GALNTL6: variants seen among roughly 807,000 people sequenced by gnomAD.
GALNTL6 encodes the protein polypeptide N-acetylgalactosaminyltransferase-like 6.
Under a neutral mutation model 73.7 loss-of-function variants are expected in GALNTL6, and 46 were observed. The observed-to-expected ratio is 0.62, with a 90% CI of 0.49 to 0.80. The LOEUF (loss-of-function observed/expected upper bound fraction) is 0.80. GALNTL6 is among the 30% of genes least tolerant of loss of function. GALNTL6 has a pLI of 0.00. For missense variants in GALNTL6, 604 were observed against 755.0 expected (o/e 0.80, Z 2.34); for synonymous variants, 259 against 263.7 (o/e 0.98, Z 0.17).
chr4:172,369,651 G>A (rs534270976), intron 5 of GALNTL6, among the ~76,000 whole-genome samples: 46 of 152,314 alleles, frequency 3.0e-4, no homozygotes, highest in African/African-American at 8.2e-4. Flanking sequence ...GAATTTGAGC[G>A]TGGCATGGGC....
At chr4:171,906,029 C>G (rs1457319795) in intron 2 of GALNTL6, among the ~76,000 whole-genome samples, 1 of 151,876 alleles carries the variant, frequency 6.6e-6, no homozygotes, top group East Asian at 1.9e-4. Flanking sequence ...TAAATGCCCA[C>G]AAGAGAAAGC....
intron 2 of GALNTL6, among the ~76,000 whole-genome samples, chr4:172,041,511 G>T (rs1474016619): frequency 7.9e-5 from 12 of 152,032 alleles, no homozygotes; most frequent in Non-Finnish European, 1.8e-4. Context: ...ACTGCTAGAG[G>T]AATTCAACAG....
chr4:172,009,643 T>C (rs1386190595), intron 2 of GALNTL6, among the ~76,000 whole-genome samples: 1 of 152,076 alleles, frequency 6.6e-6, no homozygotes, highest in Non-Finnish European at 1.5e-5. Context: ...CAAATGTGGT[T>C]TTGTGGTATA....
chr4:172,671,936 G>C (rs1180583154), intron 5 of GALNTL6, among the ~76,000 whole-genome samples: 2 of 152,152 alleles, frequency 1.3e-5, no homozygotes, highest in Admixed American at 1.3e-4. Context: ...TGTTGCCCAG[G>C]CTGGAGTGCA....
intron 2 of GALNTL6, among the ~76,000 whole-genome samples, chr4:171,884,218 T>G (rs1736545795): frequency 6.6e-6 from 1 of 152,202 alleles, no homozygotes; most frequent in Non-Finnish European, 1.5e-5. Flanking sequence ...TTCATGTCAT[T>G]TAGCTTTGCT....
intron 5 of GALNTL6, among the ~76,000 whole-genome samples, chr4:172,459,165 C>G (rs1732517438): frequency 6.6e-6 from 1 of 152,150 alleles, no homozygotes; most frequent in Non-Finnish European, 1.5e-5. Flanking sequence ...ATTCAACACC[C>G]CTTCATGCTA....
intron 5 of GALNTL6, among the ~76,000 whole-genome samples, chr4:172,497,602 G>A (rs1271751423): frequency 6.6e-6 from 1 of 152,184 alleles, no homozygotes; most frequent in Non-Finnish European, 1.5e-5. Context: ...GCATCTTTCT[G>A]TCATACAGAG....
chr4:172,734,278 A>AT (rs919873073), intron 5 of GALNTL6, among the ~76,000 whole-genome samples: 6 of 152,268 alleles, frequency 3.9e-5, no homozygotes, highest in Admixed American at 3.9e-4. Context: ...AGAAAAACCC[A>AT]TTTTCTGGGG....
chr4:172,037,827 A>C (rs1399685617), intron 2 of GALNTL6, among the ~76,000 whole-genome samples: 1 of 152,186 alleles, frequency 6.6e-6, no homozygotes, highest in Non-Finnish European at 1.5e-5. Context: ...TTTAAAAAAA[A>C]ATTCTAGAGA....
At chr4:172,988,379 A>G (rs1025040200) in intron 10 of GALNTL6, among the ~76,000 whole-genome samples, 9 of 152,214 alleles carry the variant, frequency 5.9e-5, no homozygotes, top group Non-Finnish European at 1.3e-4. Flanking sequence ...TAAGCAGCAA[A>G]GCATTCAAGG....
intron 5 of GALNTL6, among the ~76,000 whole-genome samples, chr4:172,758,580 T>C (rs1737887410): frequency 6.6e-6 from 1 of 152,252 alleles, no homozygotes; most frequent in African/African-American, 2.4e-5. Context: ...AATTGAGATA[T>C]ATCCCCATCA....
chr4:172,327,713 C>A (rs1740990863), intron 4 of GALNTL6, among the ~76,000 whole-genome samples: 1 of 151,922 alleles, frequency 6.6e-6, no homozygotes, highest in Non-Finnish European at 1.5e-5. Context: ...GCATTGCCAC[C>A]CATGTTTTTT....
chr4:172,723,000 G>C (rs1735574456), intron 5 of GALNTL6, among the ~76,000 whole-genome samples: 1 of 152,080 alleles, frequency 6.6e-6, no homozygotes, highest in South Asian at 2.1e-4. Flanking sequence ...GTCACTTGTG[G>C]AGGCTTAGGA....
rs551798329 is a variant in GALNTL6, at chr4:171,913,504, A to G, written c.138+98786A>G. On this transcript the variant is annotated intron_variant, in intron 2 of 12. Coordinates refer to ENST00000506823, the MANE Select transcript of GALNTL6 (RefSeq NM_001034845.3). ...TGGCTAAAATGGTTACACAAGTAAT[A>G]AATGCCACACTAAACAATTTTTATT... 1.3e-3 allele frequency among the ~76,000 whole-genome samples: 195 copies of G among 152,354 alleles called. 6 individuals carry two copies. The South Asian group carries it at 0.039, about 31-fold the overall frequency.
intron 5 of GALNTL6, among the ~76,000 whole-genome samples, chr4:172,531,342 G>T (rs573069168): frequency 2.0e-5 from 3 of 152,296 alleles, no homozygotes; most frequent in African/African-American, 7.2e-5. Flanking sequence ...TTAAAAACTA[G>T]AATTTTCTCC....
intron 2 of GALNTL6, among the ~76,000 whole-genome samples, chr4:172,170,669 C>T (rs1734787535): frequency 6.6e-6 from 1 of 152,028 alleles, no homozygotes; most frequent in Non-Finnish European, 1.5e-5. Context: ...TTCCACCAAA[C>T]CCGGCTAATT....
chr4:171,826,170 C>T (rs931827670), intron 2 of GALNTL6, among the ~76,000 whole-genome samples: 1 of 152,162 alleles, frequency 6.6e-6, no homozygotes, highest in African/African-American at 2.4e-5. Context: ...TTTCTCTCTT[C>T]AAATCTCCCG....
At position 172,318,689 on chromosome 4, in the gene GALNTL6, C is replaced by T. The variant is rs56779635; in HGVS notation, c.386+6937C>T. On this transcript the variant is annotated intron_variant, in intron 4 of 12. Transcript: ENST00000506823. The stretch of plus-strand genomic sequence containing the variant: ...TGCACTCTGGCCTGGGCAATAAGAG[C>T]GAAACTCCATCCCCCCCACCCCCCA... Among the ~76,000 whole-genome samples, 1,293 of 150,242 alleles carry T rather than the reference C, an allele frequency of 8.6e-3. 19 individuals carry two copies. The highest frequency in any genetic ancestry group is 0.03 in the African/African-American group (1,232 of 40,714).
chr4:171,896,419 T>C lies in GALNTL6; in HGVS notation c.138+81701T>C, dbSNP rs190024101. ...GATTTCTGTATTTTATACAAAATGA[T>C]AGTACATTAATTCTAAGTAGACAGT... On this transcript the variant is annotated intron_variant, in intron 2 of 12. Transcript: ENST00000506823. Among the ~76,000 whole-genome samples, 22 of 152,334 alleles carry C rather than the reference T, an allele frequency of 1.4e-4. No homozygotes were observed. The East Asian group carries it at 4.1e-3, about 28-fold the overall frequency.
Sources: gnomAD v4.1 joint callset for allele counts (sites outside exome capture counted in the v4.1 genomes callset) on GRCh38, gnomAD v4.1.1 for gene constraint, MANE v1.5 for transcripts, NCBI Gene and HGNC (gene_info 2026-07-23, HGNC 2026-07-21) for gene names.